CACNA1I: variants seen among roughly 807,000 people sequenced by gnomAD.
CACNA1I encodes voltage-dependent T-type calcium channel subunit alpha-1I.
Under a neutral mutation model 201.6 loss-of-function variants are expected in CACNA1I, and 74 were observed. That is an observed-to-expected ratio of 0.37 (90% CI 0.30 to 0.45). The LOEUF is 0.45. Ranked by LOEUF, CACNA1I falls within the 20% of genes least tolerant of loss-of-function variation. The pLI, the probability that CACNA1I is intolerant of heterozygous loss-of-function variation, is 1.00. For synonymous variants in CACNA1I, 1,431 were observed against 1,345.2 expected, an observed-to-expected ratio of 1.06 and a Z score of -1.40; for missense variants, 2,346 against 3,138.1, an observed-to-expected ratio of 0.75 and a Z score of 6.03.
intron 1 of CACNA1I, 104 bp downstream of exon 1, chr22:39,571,092 G>A (rs1932168142): frequency 2.0e-6 from 2 of 1,019,970 alleles, no homozygotes; most frequent in Non-Finnish European, 3.0e-6. Flanking sequence ...GGAGACCTGA[G>A]GTCTGCGGTG....
At chr22:39,605,302 G>T (rs1237446819) in intron 3 of CACNA1I, among the ~76,000 whole-genome samples, 1 of 152,160 alleles carries the variant, frequency 6.6e-6, no homozygotes, top group Non-Finnish European at 1.5e-5. Flanking sequence ...AACCCTCATG[G>T]CAGGTGTGTC....
At chr22:39,607,895 C>CG (rs34811604) in intron 3 of CACNA1I, among the ~76,000 whole-genome samples, 8,422 of 139,274 alleles carry the variant, frequency 0.06, 583 homozygotes, top group African/African-American at 0.13. Flanking sequence ...GGTGCCAAGG[C>CG]GGGGGGGGGT....
Position 39,646,816 on chromosome 22 carries a change from C to T in CACNA1I, c.1397C>T (p.Ala466Val), listed in dbSNP as rs749168907. The T allele has an allele frequency of 1.3e-6, 2 of 1,548,390 alleles. No individual in the cohort carries two copies. Among genetic ancestry groups the T allele is most frequent in the Non-Finnish European group, 1.7e-6 (2 of 1,146,442 alleles). Reference protein sequence around the residue: ...LYQALQSRRQALGPEAPAPAK... With the variant: ...LYQALQSRRQVLGPEAPAPAK... ...CAGGCCCTGCAGAGCCGGCGCCAGG[C>T]CCTGGGCCCGGAGGCCCCGGCCCCC... is the stretch of plus-strand genomic sequence containing the variant. The change falls in exon 8 of 37, where the codon GCC (alanine) becomes GTC (valine). Residue 466 changes from alanine (A) to valine (V), a missense_variant. Physicochemically the swap from Ala to Val is moderately conservative, Grantham distance 64 (BLOSUM62 0). Transcript: ENST00000402142.
chr22:39,585,862 A>G (rs1170670759), intron 1 of CACNA1I, among the ~76,000 whole-genome samples: 1 of 147,514 alleles, frequency 6.8e-6, no homozygotes, highest in African/African-American at 2.5e-5. Context: ...CACCTGGTTT[A>G]CTAATCCTAC....
intron 1 of CACNA1I, among the ~76,000 whole-genome samples, chr22:39,572,634 C>G (rs929382360): frequency 6.6e-6 from 1 of 152,104 alleles, no homozygotes; most frequent in Non-Finnish European, 1.5e-5. Flanking sequence ...GTGAGAGGGT[C>G]TGCTCGGTAA....
chr22:39,670,198 A>G lies in CACNA1I; in HGVS notation c.4355A>G (p.Lys1452Arg). 6.2e-7 allele frequency: 1 copy of G among 1,613,752 alleles called. No homozygotes were observed. Among genetic ancestry groups the G allele is most frequent in the East Asian group, 2.2e-5 (1 of 44,892 alleles). ...GAAGAGGCACGGCGGCGTGAGGAGAAGCGGCTGCGGCGCCTGGAGAAGAAG... is the reference window on the plus strand; with the variant it reads ...GAAGAGGCACGGCGGCGTGAGGAGAGGCGGCTGCGGCGCCTGGAGAAGAAG... ...EAEEARRREE[K>R]RLRRLEKKRR... The change falls in exon 25 of 37, where the codon AAG (lysine) becomes AGG (arginine). Residue 1452 changes from lysine to arginine, a missense_variant. Physicochemically the swap from Lys to Arg is conservative, Grantham distance 26. This residue lies in a region of CACNA1I where 228 missense variants were observed against 395.7 expected (regional missense o/e 0.58). Transcript: ENST00000402142.
intron 10 of CACNA1I, among the ~76,000 whole-genome samples, chr22:39,655,224 C>T (rs1362095789): frequency 1.3e-5 from 2 of 151,274 alleles, no homozygotes; most frequent in African/African-American, 4.9e-5. Flanking sequence ...CGCTAGCTGC[C>T]ATTATTATGA....
rs1011354642 is a variant in CACNA1I at position 39,649,016 on chromosome 22, C to T, written c.1568-485C>T. On this transcript the variant is annotated intron_variant, in intron 9 of 36. Transcript: ENST00000402142. The surrounding 1 kb of genome is among the most constrained non-coding windows in gnomAD (Gnocchi z 7.3). The stretch of plus-strand genomic sequence containing the variant: ...CCTCCCTGGGAAGCAAACCTCACCC[C>T]TTCCCCGCTCCCCACCTGCTGTATA... Among the ~76,000 whole-genome samples, 4 of 152,210 alleles carry T rather than the reference C, an allele frequency of 2.6e-5. No homozygotes were observed. Among genetic ancestry groups the T allele is most frequent in the Admixed American group, 2.6e-4 (4 of 15,294 alleles).
intron 23 of CACNA1I, among the ~76,000 whole-genome samples, chr22:39,667,923 G>C (rs1935247470): frequency 6.6e-6 from 1 of 152,142 alleles, no homozygotes; most frequent in South Asian, 2.1e-4. Flanking sequence ...TTGAGCCTCA[G>C]CTGGCCCTCC....
At chr22:39,662,560 G>A in intron 17 of CACNA1I, 125 bp downstream of exon 17, 1 of 773,984 alleles carries the variant, frequency 1.3e-6, no homozygotes, top group Non-Finnish European at 2.0e-6. Context: ...TGGCCGGAGC[G>A]GCTAGGGCTT....
Position 39,662,204 on chromosome 22 carries a change from GCACCGC to G in CACNA1I, c.3152_3157del (p.Arg1051_His1052del), listed in dbSNP as rs756234305. ...ACATTCATCACGGGCCCCATCTGGCGCACCGCCACCGCCACCACCGCCGGACGCTGT... is the reference window on the plus strand; with the variant it reads ...ACATTCATCACGGGCCCCATCTGGCGCACCGCCACCACCGCCGGACGCTGT... On this transcript the variant is annotated inframe_deletion, in exon 17 of 37. Coordinates refer to ENST00000402142, the MANE Select transcript of CACNA1I (RefSeq NM_021096.4). 2.3e-5 allele frequency: 35 copies of G among 1,528,484 alleles called. No homozygotes were observed. Among genetic ancestry groups the G allele is most frequent in the Non-Finnish European group, 2.9e-5 (33 of 1,141,496 alleles). 94.7% of individuals were successfully genotyped at this position (1,528,484 alleles called of 1,614,324 possible).
chr22:39,624,154 G>A (rs79661797), intron 4 of CACNA1I, among the ~76,000 whole-genome samples: 260 of 152,040 alleles, frequency 1.7e-3, no homozygotes, highest in African/African-American at 5.8e-3. Context: ...GCGAGCATGT[G>A]TGTGCCTGTG....
chr22:39,613,687 G>A (rs1294192148), intron 3 of CACNA1I, among the ~76,000 whole-genome samples: 3 of 152,274 alleles, frequency 2.0e-5, no homozygotes, highest in African/African-American at 7.2e-5. Flanking sequence ...TGGGCGCTGT[G>A]CCTTCCACCT....
At chr22:39,632,984 G>A (rs1035289943) in intron 4 of CACNA1I, among the ~76,000 whole-genome samples, 2 of 151,916 alleles carry the variant, frequency 1.3e-5, no homozygotes, top group African/African-American at 4.8e-5. Flanking sequence ...GGAAGATGGG[G>A]TGGGCCTTAA....
At chr22:39,645,549 G>A (rs1043682027) in intron 7 of CACNA1I, among the ~76,000 whole-genome samples, 2 of 152,134 alleles carry the variant, frequency 1.3e-5, no homozygotes, top group African/African-American at 4.8e-5. Context: ...ACAAGGATGG[G>A]ATGCCATCTT....
At chr22:39,656,332 C>T in intron 10 of CACNA1I, 1 of 503,500 alleles carries the variant, frequency 2.0e-6, no homozygotes, top group South Asian at 1.4e-5. Flanking sequence ...TGCTCTCCCA[C>T]CTCCCAGCCA....
At chr22:39,657,419 G>A (rs538443648) in intron 10 of CACNA1I, among the ~76,000 whole-genome samples, 56 of 152,304 alleles carry the variant, frequency 3.7e-4, no homozygotes, top group South Asian at 8.3e-4. Context: ...GTGCAGGACT[G>A]TGCCTGGCAT....
intron 10 of CACNA1I, 82 bp downstream of exon 10, chr22:39,650,007 C>A: frequency 6.9e-7 from 1 of 1,447,742 alleles, no homozygotes; most frequent in Non-Finnish European, 9.6e-7. Context: ...CAGCCCCATC[C>A]ATCTGCCTGG....
rs1424488386 is a variant in CACNA1I, at chr22:39,659,907, C to A, written c.2604+55C>A. Reference sequence around the variant, plus strand: ...CCCACAGGGTCTGCGAAAGACTGGGCGAGGGAGAGGTGGCCTGGATGGGGG... The same window carrying A: ...CCCACAGGGTCTGCGAAAGACTGGGAGAGGGAGAGGTGGCCTGGATGGGGG... On this transcript the variant is annotated intron_variant, in intron 14 of 36. Coordinates refer to ENST00000402142, the MANE Select transcript of CACNA1I (RefSeq NM_021096.4). This position sits in a 1 kb window ranked among gnomAD's most constrained non-coding sequence, Gnocchi z 4.3. The A allele has an allele frequency of 1.2e-6, 2 of 1,603,154 alleles. No homozygotes were observed. Among genetic ancestry groups the A allele is most frequent in the Admixed American group, 1.7e-5 (1 of 59,812 alleles).
Sources: gnomAD v4.1 joint callset for allele counts (sites outside exome capture counted in the v4.1 genomes callset) on GRCh38, gnomAD v4.1.1 for gene constraint, gnomAD v4.1.1 regional missense constraint, Gnocchi (gnomAD v3.1) non-coding constraint, MANE v1.5 for transcripts, NCBI Gene and HGNC (gene_info 2026-07-23, HGNC 2026-07-21) for gene names.